NEDD4L: variants seen among roughly 807,000 people sequenced by gnomAD.
NEDD4L encodes E3 ubiquitin-protein ligase NEDD4-like.
Under a neutral mutation model 148.9 loss-of-function variants are expected in NEDD4L, and 54 were observed. The ratio of observed to expected loss-of-function variants is 0.36; its 90% CI spans 0.29 to 0.45. NEDD4L has a LOEUF of 0.45. NEDD4L is among the 20% of genes least tolerant of loss of function. NEDD4L has a pLI of 1.00. For synonymous variants in NEDD4L, 433 were observed against 440.7 expected (o/e 0.98, Z 0.22); for missense variants, 856 against 1,233.8 (o/e 0.69, Z 4.59).
rs189522231 is a variant in NEDD4L, at chr18:58,290,541, G to C, written c.298-25441G>C. 1.6e-3 allele frequency among the ~76,000 whole-genome samples: 239 copies of C among 152,270 alleles called. 2 individuals carry two copies. The highest frequency in any genetic ancestry group is 5.5e-3 in the African/African-American group (229 of 41,536). ...ACAAGTGGGAGAGAGTCTAAAAATA[G>C]GTAGGCGATCCCTTATCTCGTTGCA... On this transcript the variant is annotated intron_variant, in intron 5 of 30. Coordinates refer to ENST00000400345, the MANE Select transcript of NEDD4L (RefSeq NM_001144967.3).
intron 1 of NEDD4L, chr18:58,047,403 C>A: frequency 2.0e-6 from 2 of 984,282 alleles, no homozygotes; most frequent in Non-Finnish European, 2.4e-6. Flanking sequence ...GCTCTCTGCA[C>A]TGCTGATGAT....
intron 1 of NEDD4L, among the ~76,000 whole-genome samples, chr18:58,056,282 G>C (rs947645844): frequency 6.6e-6 from 1 of 152,252 alleles, no homozygotes; most frequent in Non-Finnish European, 1.5e-5. Flanking sequence ...AAAAGTGACA[G>C]CTGACAGTTG....
At chr18:58,348,849 C>T (rs1780746215) in intron 16 of NEDD4L, among the ~76,000 whole-genome samples, 1 of 152,108 alleles carries the variant, frequency 6.6e-6, no homozygotes, top group African/African-American at 2.4e-5. Context: ...TGTTGATTCT[C>T]TGTGGTATCT....
At chr18:58,389,897 G>A (rs929931456) in intron 28 of NEDD4L, among the ~76,000 whole-genome samples, 1 of 151,932 alleles carries the variant, frequency 6.6e-6, no homozygotes, top group African/African-American at 2.4e-5. Context: ...TCAAATTCTT[G>A]GGCTTAAGCA....
chr18:58,222,513 C>T (rs2043884736), intron 2 of NEDD4L, among the ~76,000 whole-genome samples: 1 of 152,188 alleles, frequency 6.6e-6, no homozygotes, highest in African/African-American at 2.4e-5. Flanking sequence ...CCTTCCTACT[C>T]ATACATGTGA....
intron 21 of NEDD4L, 58 bp from the exon 22 acceptor site, chr18:58,367,688 A>G: frequency 6.2e-7 from 1 of 1,602,084 alleles, no homozygotes. Context: ...GCAAACAAAT[A>G]TGCAAAATCT....
chr18:58,180,284 G>A (rs2038703384), intron 2 of NEDD4L, among the ~76,000 whole-genome samples: 1 of 152,086 alleles, frequency 6.6e-6, no homozygotes, highest in Admixed American at 6.5e-5. Context: ...TCCTTTCTCA[G>A]GCCAGTGCTG....
At chr18:58,316,115 A>T in intron 6 of NEDD4L, 83 bp downstream of exon 6, 1 of 1,123,168 alleles carries the variant, frequency 8.9e-7, no homozygotes, top group Non-Finnish European at 1.3e-6. Context: ...TCAGAGTGGC[A>T]TTTCTTCACC....
chr18:58,074,446 T>A (rs1221564797), intron 1 of NEDD4L, among the ~76,000 whole-genome samples: 1 of 149,554 alleles, frequency 6.7e-6, no homozygotes, highest in African/African-American at 2.5e-5. Flanking sequence ...TTTTTTTTTT[T>A]TTTTTTTTAA....
chr18:58,209,057 C>T (rs1328603540), intron 2 of NEDD4L, among the ~76,000 whole-genome samples: 1 of 151,614 alleles, frequency 6.6e-6, no homozygotes, highest in Admixed American at 6.6e-5. Context: ...ACATGTTTCC[C>T]AAAATGTGAA....
At chr18:58,235,578 GCT>G (rs760933155) in intron 2 of NEDD4L, among the ~76,000 whole-genome samples, 13 of 152,140 alleles carry the variant, frequency 8.5e-5, no homozygotes, top group Non-Finnish European at 8.8e-5. Flanking sequence ...GTTAGAACTT[GCT>G]CTCTTTTTTA....
At chr18:58,141,282 C>G (rs1379273801) in intron 1 of NEDD4L, among the ~76,000 whole-genome samples, 1 of 152,126 alleles carries the variant, frequency 6.6e-6, no homozygotes, top group African/African-American at 2.4e-5. Flanking sequence ...TATGGGGTAA[C>G]ACAATATAAG....
At chr18:58,263,877 G>C (rs1351701983) in intron 5 of NEDD4L, among the ~76,000 whole-genome samples, 1 of 149,520 alleles carries the variant, frequency 6.7e-6, no homozygotes, top group African/African-American at 2.4e-5. Context: ...TTCTGGCTAG[G>C]AGTTACATTG....
intron 26 of NEDD4L, 55 bp from the exon 27 acceptor site, chr18:58,387,384 A>ATT: frequency 2.8e-5 from 35 of 1,260,412 alleles, no homozygotes; most frequent in Middle Eastern, 2.0e-4. Context: ...TTCCTGTGAA[A>ATT]TTTTTTTTTT....
chr18:58,047,203 T>A (rs920189114), intron 1 of NEDD4L: 9 of 981,078 alleles, frequency 9.2e-6, no homozygotes, highest in Non-Finnish European at 1.1e-5. Context: ...CTTGGTGTGC[T>A]GCAGAATATC....
intron 11 of NEDD4L, among the ~76,000 whole-genome samples, chr18:58,331,682 C>G (rs2059800393): frequency 1.3e-5 from 2 of 152,104 alleles, no homozygotes; most frequent in Admixed American, 1.3e-4. Flanking sequence ...CAGTGTTTCT[C>G]AAGAAACTGA....
At chr18:58,072,880 A>G (rs939598399) in intron 1 of NEDD4L, among the ~76,000 whole-genome samples, 7 of 111,540 alleles carry the variant, frequency 6.3e-5, no homozygotes, top group African/African-American at 3.6e-4. Flanking sequence ...GCGCACACAC[A>G]CACACACACA....
intron 5 of NEDD4L, among the ~76,000 whole-genome samples, chr18:58,298,559 G>A (rs2056013822): frequency 6.6e-6 from 1 of 152,290 alleles, no homozygotes; most frequent in Admixed American, 6.5e-5. Context: ...TAATGCATGT[G>A]CAACGTTTAG....
intron 21 of NEDD4L, among the ~76,000 whole-genome samples, chr18:58,367,455 T>C (rs1030387849): frequency 6.6e-5 from 10 of 152,172 alleles, no homozygotes; most frequent in Non-Finnish European, 1.5e-4. Flanking sequence ...GTTTCTCATC[T>C]CCCCAAGATA....
Sources: gnomAD v4.1 joint callset for allele counts (sites outside exome capture counted in the v4.1 genomes callset) on GRCh38, gnomAD v4.1.1 for gene constraint, MANE v1.5 for transcripts, NCBI Gene and HGNC (gene_info 2026-07-23, HGNC 2026-07-21) for gene names.